The following DCC variants were observed in gnomAD, a reference collection of about 807,000 sequenced individuals.
The protein encoded by DCC is DCC netrin 1 receptor.
In DCC, 58 loss-of-function variants were observed where a neutral mutation model predicts 172.5. The ratio of observed to expected loss-of-function variants is 0.34; its 90% CI spans 0.27 to 0.42. The LOEUF (loss-of-function observed/expected upper bound fraction) is 0.42. DCC is among the 10% of genes least tolerant of loss of function. DCC has a pLI of 1.00. For synonymous variants in DCC, 709 were observed against 644.5 expected, an observed-to-expected ratio of 1.10 and a Z score of -1.52; for missense variants, 1,740 against 1,791.0, an observed-to-expected ratio of 0.97 and a Z score of 0.51.
chr18:53,022,632 T>C (rs1164337416), intron 5 of DCC, among the ~76,000 whole-genome samples: 3 of 151,916 alleles, frequency 2.0e-5, no homozygotes, highest in Non-Finnish European at 4.4e-5. Context: ...ATTATTACCA[T>C]ATTGAAATGG....
chr18:52,694,129 G>T (rs756675443), intron 1 of DCC, among the ~76,000 whole-genome samples: 1 of 151,984 alleles, frequency 6.6e-6, no homozygotes, highest in Non-Finnish European at 1.5e-5. Flanking sequence ...TCACTTCTAT[G>T]GAGTTCTTCC....
intron 5 of DCC, among the ~76,000 whole-genome samples, chr18:52,987,908 AAAT>A (rs2041320649): frequency 6.6e-6 from 1 of 152,232 alleles, no homozygotes; most frequent in Non-Finnish European, 1.5e-5. Context: ...CATTCTACTG[AAAT>A]AATAGTTTTC....
At position 53,157,837 on chromosome 18, in the gene DCC, G is replaced by C. The variant is rs190120208; in HGVS notation, c.1418+325G>C. 3.7e-3 allele frequency among the ~76,000 whole-genome samples: 565 copies of C among 152,320 alleles called. 2 individuals carry two copies. Among genetic ancestry groups the C allele is most frequent in the African/African-American group, 0.013 (546 of 41,558 alleles). On this transcript the variant is annotated intron_variant, in intron 8 of 28. Transcript: ENST00000442544. ...TAGAACAGTGTATAAAAGCACTACTGTGGCTAGCTTGTAATCCCATTTCTG... is the reference window on the plus strand; with the variant it reads ...TAGAACAGTGTATAAAAGCACTACTCTGGCTAGCTTGTAATCCCATTTCTG...
intron 2 of DCC, among the ~76,000 whole-genome samples, chr18:52,898,220 C>A (rs922657911): frequency 6.6e-6 from 1 of 152,176 alleles, no homozygotes; most frequent in Non-Finnish European, 1.5e-5. Context: ...TGATAAGTCT[C>A]TTTTTATTAA....
intron 1 of DCC, among the ~76,000 whole-genome samples, chr18:52,668,753 T>C (rs1181097138): frequency 1.3e-5 from 2 of 152,240 alleles, no homozygotes; most frequent in Non-Finnish European, 2.9e-5. Context: ...CTACTGAAAG[T>C]TGATGTTTCT....
chr18:53,475,801 C>A (rs1271384903), intron 25 of DCC, among the ~76,000 whole-genome samples: 4 of 152,306 alleles, frequency 2.6e-5, no homozygotes, highest in Non-Finnish European at 4.4e-5. Context: ...CACCATCCTC[C>A]AGACTCTGTA....
chr18:53,470,326 G>A (rs2045680138), intron 25 of DCC, among the ~76,000 whole-genome samples: 1 of 152,072 alleles, frequency 6.6e-6, no homozygotes, highest in African/African-American at 2.4e-5. Context: ...CACCATCTGA[G>A]GACACCTCAG....
chr18:53,435,218 A>T lies in DCC; in HGVS notation c.3229+9A>T, dbSNP rs1315816817. ...TAGAAGCACCCTAAATGGTAAGTAT[A>T]TAAATTAGGTAATATTGAATTAGTT... is the stretch of plus-strand genomic sequence containing the variant. On this transcript the variant is annotated intron_variant, in intron 22 of 28. Coordinates refer to ENST00000442544, the MANE Select transcript of DCC (RefSeq NM_005215.4). The T allele has an allele frequency of 2.6e-6, 4 of 1,529,192 alleles. No homozygotes were observed. In the Middle Eastern group the frequency reaches 5.1e-4, roughly 197 times the overall value. 94.7% of individuals were successfully genotyped at this position (1,529,192 alleles called of 1,614,324 possible).
At chr18:53,487,404 A>C (rs889213529) in intron 26 of DCC, among the ~76,000 whole-genome samples, 19 of 152,150 alleles carry the variant, frequency 1.2e-4, no homozygotes, top group Non-Finnish European at 2.9e-5. Context: ...TCAGCTTTAA[A>C]AATTAATTAT....
At chr18:53,150,882 C>G (rs1445251775) in intron 7 of DCC, among the ~76,000 whole-genome samples, 2 of 152,202 alleles carry the variant, frequency 1.3e-5, no homozygotes, top group Admixed American at 6.5e-5. Context: ...CTCAGAGACC[C>G]TCAACTGTAT....
Position 53,050,397 on chromosome 18 carries a change from C to T in DCC, c.986-12908C>T, listed in dbSNP as rs536206400. Among the ~76,000 whole-genome samples the T allele has an allele frequency of 3.9e-5, 6 of 152,258 alleles. No homozygotes were observed. The East Asian group carries it at 1.2e-3, about 29-fold the overall frequency. On this transcript the variant is annotated intron_variant, in intron 5 of 28. Coordinates refer to ENST00000442544, the MANE Select transcript of DCC (RefSeq NM_005215.4). ...GCCATTTTAATGATACTGATTCTTC[C>T]TATCCGTGACCATGGAATGTTTTCC...
intron 1 of DCC, among the ~76,000 whole-genome samples, chr18:52,430,721 G>T (rs1197299869): frequency 6.6e-6 from 1 of 152,108 alleles, no homozygotes; most frequent in Non-Finnish European, 1.5e-5. Context: ...ATTTCCAATA[G>T]GGAATTTCCT....
chr18:53,401,240 T>C (rs1410533389), intron 18 of DCC, among the ~76,000 whole-genome samples: 1 of 152,062 alleles, frequency 6.6e-6, no homozygotes, highest in Non-Finnish European at 1.5e-5. Flanking sequence ...ATCTATGCAG[T>C]CTTTTTACTA....
chr18:53,051,269 G>A (rs535371479), intron 5 of DCC, among the ~76,000 whole-genome samples: 1 of 152,116 alleles, frequency 6.6e-6, no homozygotes, highest in Admixed American at 6.6e-5. Context: ...TTATTCAAGG[G>A]CATAATTGAT....
At chr18:52,653,685 A>C (rs1357397689) in intron 1 of DCC, among the ~76,000 whole-genome samples, 10 of 152,140 alleles carry the variant, frequency 6.6e-5, no homozygotes. Context: ...CAAAGGTTGA[A>C]ATTTTGACTT....
At chr18:53,066,215 T>C (rs1247776665) in intron 7 of DCC, 49 bp downstream of exon 7, 1 of 1,582,812 alleles carries the variant, frequency 6.3e-7, no homozygotes, top group Non-Finnish European at 8.7e-7. Flanking sequence ...AAATTATTCA[T>C]AGTCTGTTGG....
At chr18:52,884,389 C>CT (rs201014727) in intron 2 of DCC, among the ~76,000 whole-genome samples, 3,847 of 147,624 alleles carry the variant, frequency 0.026, 67 homozygotes, top group Admixed American at 0.042. Flanking sequence ...TTTTTTATTC[C>CT]TTTTTTTTTT....
At chr18:52,926,828 TATAC>T (rs1248137988) in intron 5 of DCC, among the ~76,000 whole-genome samples, 45 of 112,950 alleles carry the variant, frequency 4.0e-4, no homozygotes, top group African/African-American at 1.4e-3. Flanking sequence ...TATATATACA[TATAC>T]ATACACACAC....
At chr18:53,020,673 A>T (rs2041867728) in intron 5 of DCC, among the ~76,000 whole-genome samples, 1 of 152,330 alleles carries the variant, frequency 6.6e-6, no homozygotes, top group Non-Finnish European at 1.5e-5. Flanking sequence ...CTATAATTGC[A>T]TCTTCTCATA....
Sources: allele counts gnomAD v4.1 joint callset (sites outside exome capture counted in the v4.1 genomes callset), GRCh38; gene constraint gnomAD v4.1.1; transcripts MANE v1.5; gene names NCBI Gene and HGNC (gene_info 2026-07-23, HGNC 2026-07-21).